GGNBP2: variants seen among roughly 807,000 people sequenced by gnomAD.
GGNBP2 encodes gametogenetin binding protein 2.
In GGNBP2, 10 loss-of-function variants were observed where a neutral mutation model predicts 85.9. The observed-to-expected ratio is 0.12, with a 90% CI of 0.07 to 0.20. The LOEUF is 0.20. Among genes scored for constraint, GGNBP2 ranks in the 10% least tolerant of loss-of-function variants. The pLI, the probability that GGNBP2 is intolerant of heterozygous loss-of-function variation, is 1.00. For synonymous variants in GGNBP2, 287 were observed against 285.7 expected, an observed-to-expected ratio of 1.00 and a Z score of -0.05; for missense variants, 595 against 857.8, an observed-to-expected ratio of 0.69 and a Z score of 3.83.
chr17:36,551,841 T>C (rs1219819457), intron 2 of GGNBP2, among the ~76,000 whole-genome samples: 2 of 151,968 alleles, frequency 1.3e-5, no homozygotes, highest in African/African-American at 4.8e-5. Context: ...AAAAAAAAAT[T>C]TTACAAATCA....
chr17:36,589,554 A>C lies in GGNBP2; in HGVS notation c.*143A>C. On this transcript the variant is annotated 3_prime_UTR_variant, in exon 14 of 14. Transcript: ENST00000613102. ...TCTTTCTTGTTTTGGGAGACGGTGG[A>C]GGTATCCTCATTAGTTCTTTCTTCA... The C allele has an allele frequency of 1.6e-6, 1 of 642,488 alleles. No homozygotes were observed. The highest frequency in any genetic ancestry group is 2.7e-6 in the Non-Finnish European group (1 of 370,032). The allele number at this position is 642,488 out of a possible 1,614,324, so 39.8% of individuals were successfully genotyped here.
At chr17:36,571,786 T>C (rs2074527479) in intron 6 of GGNBP2, among the ~76,000 whole-genome samples, 1 of 152,046 alleles carries the variant, frequency 6.6e-6, no homozygotes, top group East Asian at 1.9e-4. Context: ...GAACTTGCAG[T>C]GAGCCGAGTT....
intron 6 of GGNBP2, among the ~76,000 whole-genome samples, chr17:36,575,779 T>G (rs2074575262): frequency 6.7e-6 from 1 of 150,230 alleles, no homozygotes; most frequent in South Asian, 2.1e-4. Flanking sequence ...CCTGAGTAGC[T>G]GGGATTACAG....
At chr17:36,575,613 CATAT>C (rs776677029) in intron 6 of GGNBP2, among the ~76,000 whole-genome samples, 47 of 66,928 alleles carry the variant, frequency 7.0e-4, no homozygotes, top group East Asian at 1.8e-3. Context: ...TCTAATGTAA[CATAT>C]ATATATATAT....
chr17:36,575,648 A>ATATATATATATTTTT (rs374366757), intron 6 of GGNBP2, among the ~76,000 whole-genome samples: 4 of 54,914 alleles, frequency 7.3e-5, no homozygotes, highest in African/African-American at 3.3e-4. Flanking sequence ...ATATATATAT[A>ATATATATATATTTTT]TTTTTTTTTT....
At chr17:36,553,615 T>C (rs2074332134) in intron 2 of GGNBP2, among the ~76,000 whole-genome samples, 4 of 152,244 alleles carry the variant, frequency 2.6e-5, no homozygotes, top group Admixed American at 2.6e-4. Context: ...ACTTCACTCT[T>C]TGATTTTGTA....
intron 5 of GGNBP2, among the ~76,000 whole-genome samples, chr17:36,563,137 G>A (rs1049651923): frequency 6.6e-6 from 1 of 151,118 alleles, no homozygotes; most frequent in African/African-American, 2.4e-5. Context: ...GTGGTGGCAG[G>A]TGCTTGTAAT....
intron 9 of GGNBP2, among the ~76,000 whole-genome samples, chr17:36,583,101 T>C (rs529209825): frequency 3.2e-4 from 48 of 152,314 alleles, no homozygotes; most frequent in African/African-American, 1.1e-3. Context: ...GTTGCCAGGC[T>C]GGAGTGCAGT....
At chr17:36,555,891 CTTGG>C (rs2074356827) in intron 3 of GGNBP2, among the ~76,000 whole-genome samples, 1 of 152,074 alleles carries the variant, frequency 6.6e-6, no homozygotes, top group African/African-American at 2.4e-5. Flanking sequence ...ATTTTCGATC[CTTGG>C]TTGGTTAAAT....
At chr17:36,583,863 G>T (rs974764662) in intron 9 of GGNBP2, among the ~76,000 whole-genome samples, 1 of 152,268 alleles carries the variant, frequency 6.6e-6, no homozygotes, top group African/African-American at 2.4e-5. Context: ...TTGCAATATG[G>T]AATCTGGCAC....
chr17:36,580,145 T>C (rs2074632228), intron 8 of GGNBP2, among the ~76,000 whole-genome samples: 1 of 152,184 alleles, frequency 6.6e-6, no homozygotes, highest in Admixed American at 6.5e-5. Flanking sequence ...TCCAGTAGTA[T>C]GAAGTAAATG....
At chr17:36,550,090 A>G (rs973850362) in intron 2 of GGNBP2, among the ~76,000 whole-genome samples, 11 of 152,236 alleles carry the variant, frequency 7.2e-5, no homozygotes, top group African/African-American at 2.4e-4. Context: ...GGCGCCCGCC[A>G]CCATGCCCGG....
rs780217291 is a variant in GGNBP2 at position 36,554,352 on chromosome 17, A to ATTT, written c.94-436_94-434dup. Among the ~76,000 whole-genome samples, 232 of 44,506 alleles carry ATTT rather than the reference A, an allele frequency of 5.2e-3. 12 individuals carry two copies. The highest frequency in any genetic ancestry group is 5.8e-3 in the African/African-American group (53 of 9,114). 29.2% of individuals were successfully genotyped at this position (44,506 alleles called of 152,430 possible). On this transcript the variant is annotated intron_variant, in intron 2 of 13. Transcript: ENST00000613102. ...ATGGAAACTTGTCTTATGTACTTGA[A>ATTT]TTTTTTTTTTTTTTTTTTTTTTTTT...
intron 4 of GGNBP2, among the ~76,000 whole-genome samples, chr17:36,558,117 GAAA>G (rs975085647): frequency 2.1e-5 from 3 of 142,634 alleles, no homozygotes; most frequent in Admixed American, 1.4e-4. Context: ...GTTTCAAAAA[GAAA>G]AAAAGAAGAG....
At chr17:36,575,643 TATATA>T (rs869109081) in intron 6 of GGNBP2, among the ~76,000 whole-genome samples, 71 of 56,004 alleles carry the variant, frequency 1.3e-3, no homozygotes, top group South Asian at 1.8e-3. Flanking sequence ...TATATATATA[TATATA>T]TTTTTTTTTT....
intron 6 of GGNBP2, among the ~76,000 whole-genome samples, chr17:36,575,621 TA>T: frequency 1.5e-5 from 1 of 67,316 alleles, no homozygotes; most frequent in East Asian, 4.6e-4. Flanking sequence ...AACATATATA[TA>T]TATATATATA....
chr17:36,560,300 C>T (rs893355732), intron 4 of GGNBP2, among the ~76,000 whole-genome samples: 16 of 152,268 alleles, frequency 1.1e-4, no homozygotes, highest in Middle Eastern at 3.4e-3. Context: ...GCAAACTTTG[C>T]TCATTGGTTG....
intron 10 of GGNBP2, 125 bp from the exon 11 acceptor site, chr17:36,585,715 G>T: frequency 6.3e-6 from 5 of 789,782 alleles, no homozygotes; most frequent in South Asian, 4.8e-5. Context: ...ATCCTTCATT[G>T]GAAATGTTCT....
At chr17:36,585,229 T>C (rs1599551657) in intron 9 of GGNBP2, 71 bp from the exon 10 acceptor site, 1 of 1,317,066 alleles carries the variant, frequency 7.6e-7, no homozygotes, top group African/African-American at 1.5e-5. Flanking sequence ...AAAATAGTTT[T>C]GATCTAGGGA....
Sources: allele counts gnomAD v4.1 joint callset (sites outside exome capture counted in the v4.1 genomes callset), GRCh38; gene constraint gnomAD v4.1.1; transcripts MANE v1.5; gene names NCBI Gene and HGNC (gene_info 2026-07-23, HGNC 2026-07-21).